SCCPDH: variants seen among roughly 807,000 people sequenced by gnomAD.
SCCPDH encodes saccharopine dehydrogenase-like oxidoreductase.
A neutral mutation model predicts 51.5 loss-of-function variants in SCCPDH; 34 were observed. The ratio of observed to expected loss-of-function variants is 0.66; its 90% CI spans 0.50 to 0.88. SCCPDH has a LOEUF of 0.88. Ranked by LOEUF, SCCPDH falls within the 40% of genes least tolerant of loss-of-function variation. SCCPDH has a pLI of 0.00. For synonymous variants in SCCPDH, 187 were observed against 191.3 expected, an observed-to-expected ratio of 0.98 and a Z score of 0.19; for missense variants, 464 against 527.1, an observed-to-expected ratio of 0.88 and a Z score of 1.17.
intron 9 of SCCPDH, among the ~76,000 whole-genome samples, chr1:246,763,701 T>C (rs1207649595): frequency 6.6e-6 from 1 of 152,194 alleles, no homozygotes; most frequent in Non-Finnish European, 1.5e-5. Flanking sequence ...GCAGTAATTA[T>C]GTCTCAGGGC....
intron 5 of SCCPDH, among the ~76,000 whole-genome samples, chr1:246,753,427 A>G (rs1382659076): frequency 6.6e-6 from 1 of 152,216 alleles, no homozygotes; most frequent in Non-Finnish European, 1.5e-5. Flanking sequence ...AGGATCCTCG[A>G]GACCTAGACC....
intron 5 of SCCPDH, among the ~76,000 whole-genome samples, chr1:246,757,089 AT>A (rs1363011436): frequency 1.3e-5 from 2 of 152,172 alleles, no homozygotes; most frequent in African/African-American, 4.8e-5. Context: ...CATGCCTGCA[AT>A]CCCAGCACTT....
chr1:246,744,098 T>C lies in SCCPDH; in HGVS notation c.537T>C (p.Ser179=), dbSNP rs1182336099. The part of the protein sequence containing the change: ...KMNGTLTAVE[S]FLTIHSGPEG... ...TAGGTACTTTGACTGCTGTGGAAAGTTTCCTGACTATACATTCAGGACCTG... is the reference window on the plus strand; with the variant it reads ...TAGGTACTTTGACTGCTGTGGAAAGCTTCCTGACTATACATTCAGGACCTG... Residue 179 remains serine, a synonymous_variant, in exon 5 of 12, where the codon AGT becomes AGC. Transcript: ENST00000366510. The C allele has an allele frequency of 1.2e-6, 2 of 1,604,288 alleles. No homozygotes were observed. Among genetic ancestry groups the C allele is most frequent in the Non-Finnish European group, 1.7e-6 (2 of 1,172,928 alleles).
chr1:246,726,022 G>A (rs867971413), intron 1 of SCCPDH, among the ~76,000 whole-genome samples: 19 of 146,440 alleles, frequency 1.3e-4, no homozygotes, highest in African/African-American at 4.8e-4. Flanking sequence ...CCGCCACCAC[G>A]CCCTGCTAAT....
Position 246,747,501 on chromosome 1 carries a change from T to G in SCCPDH, c.564+3376T>G, listed in dbSNP as rs369125615. Among the ~76,000 whole-genome samples the G allele has an allele frequency of 7.9e-4, 121 of 152,338 alleles. 1 individual carries two copies. Among genetic ancestry groups the G allele is most frequent in the African/African-American group, 2.7e-3 (113 of 41,576 alleles). ...AGGAGTTTGAGACCAGCCTGGCTGT[T>G]AGAAATAAATTTTCAGTGCCGCAAA... On this transcript the variant is annotated intron_variant, in intron 5 of 11. Transcript: ENST00000366510.
At chr1:246,734,587 TG>T (rs965360876) in intron 2 of SCCPDH, among the ~76,000 whole-genome samples, 1 of 152,142 alleles carries the variant, frequency 6.6e-6, no homozygotes, top group African/African-American at 2.4e-5. Context: ...GTAATTCCAG[TG>T]TTATCCGCCA....
intron 9 of SCCPDH, among the ~76,000 whole-genome samples, chr1:246,762,410 A>G (rs78534913): frequency 0.24 from 36,566 of 152,072 alleles, 4,678 homozygotes; most frequent in Middle Eastern, 0.29. Context: ...TAGCATTCCT[A>G]CGGTTTCTTT....
At chr1:246,761,336 A>G (rs368633505) in intron 9 of SCCPDH, among the ~76,000 whole-genome samples, 2 of 152,132 alleles carry the variant, frequency 1.3e-5, no homozygotes, top group Admixed American at 6.5e-5. Context: ...CAGCCTCCCA[A>G]AGTGCTGGGA....
intron 5 of SCCPDH, among the ~76,000 whole-genome samples, chr1:246,749,659 G>A (rs937291278): frequency 9.9e-5 from 15 of 152,140 alleles, no homozygotes; most frequent in African/African-American, 1.4e-4. Flanking sequence ...AGTTGGGGCC[G>A]TCCGTCCTTG....
chr1:246,729,324 G>A (rs1402615377), intron 2 of SCCPDH, among the ~76,000 whole-genome samples: 1 of 152,118 alleles, frequency 6.6e-6, no homozygotes, highest in African/African-American at 2.4e-5. Context: ...CAAGCCTGAG[G>A]GTGCTGCAGG....
At position 246,739,799 on chromosome 1, in the gene SCCPDH, C is replaced by T. The variant is rs939382771; in HGVS notation, c.385-373C>T. Among the ~76,000 whole-genome samples, 7 of 152,188 alleles carry T rather than the reference C, an allele frequency of 4.6e-5. No homozygotes were observed. In the East Asian group the frequency reaches 5.8e-4, roughly 13 times the overall value. On this transcript the variant is annotated intron_variant, in intron 3 of 11. Transcript: ENST00000366510. Reference sequence around the variant, plus strand: ...CACCATCTACTTTCCTGCTCTCTGTCTGTACGTGTGCGGAGCTTTATGTCT... The same window carrying T: ...CACCATCTACTTTCCTGCTCTCTGTTTGTACGTGTGCGGAGCTTTATGTCT...
chr1:246,727,108 GC>G, intron 2 of SCCPDH, 104 bp downstream of exon 2: 4 of 917,972 alleles, frequency 4.4e-6, no homozygotes, highest in Non-Finnish European at 6.8e-6. Flanking sequence ...TTGGTTGAAG[GC>G]CTTAACCCCA....
At chr1:246,750,921 C>A (rs1668842250) in intron 5 of SCCPDH, among the ~76,000 whole-genome samples, 1 of 152,216 alleles carries the variant, frequency 6.6e-6, no homozygotes, top group South Asian at 2.1e-4. Context: ...CTGTCTGTAA[C>A]CCGTTTGGCC....
rs527753701 is a variant in SCCPDH at position 246,748,733 on chromosome 1, A to G, written c.564+4608A>G. On this transcript the variant is annotated intron_variant, in intron 5 of 11. Transcript: ENST00000366510. ...GAACTCCAGTAGCGTTTATATAAAC[A>G]TGGGGGTCAAAGGACCCATGTGGGG... Among the ~76,000 whole-genome samples the G allele has an allele frequency of 3.9e-5, 6 of 152,334 alleles. No individual in the cohort carries two copies. The South Asian group carries it at 1.2e-3, about 32-fold the overall frequency.
At chr1:246,735,215 G>A (rs981985594) in intron 2 of SCCPDH, among the ~76,000 whole-genome samples, 3 of 152,152 alleles carry the variant, frequency 2.0e-5, no homozygotes, top group African/African-American at 7.2e-5. Flanking sequence ...GGCACATGTG[G>A]TCCTTCCTGA....
At chr1:246,751,817 A>C (rs557501548) in intron 5 of SCCPDH, among the ~76,000 whole-genome samples, 1 of 138,468 alleles carries the variant, frequency 7.2e-6, no homozygotes, top group African/African-American at 2.7e-5. Context: ...TCTGTCGCCC[A>C]GGCTGGAGTG....
intron 3 of SCCPDH, among the ~76,000 whole-genome samples, chr1:246,737,043 A>C (rs1668602819): frequency 1.3e-5 from 2 of 152,170 alleles, no homozygotes; most frequent in South Asian, 4.1e-4. Flanking sequence ...GTTATGTGTT[A>C]ACAGGCATTA....
At chr1:246,766,751 A>G (rs1216403431) in intron 11 of SCCPDH, among the ~76,000 whole-genome samples, 3 of 152,232 alleles carry the variant, frequency 2.0e-5, no homozygotes, top group Non-Finnish European at 4.4e-5. Context: ...AATATTTAGC[A>G]TTTATGAATG....
Position 246,758,196 on chromosome 1 carries a change from G to C in SCCPDH, c.565-30G>C, listed in dbSNP as rs1668959418. On this transcript the variant is annotated intron_variant, in intron 5 of 11. Transcript: ENST00000366510. ...TACATTTTAGTAACTACCCTTTCAT[G>C]TTTCTTTAACTCTTGAAATATTTTA... 3 of 1,524,250 alleles carry C rather than the reference G, an allele frequency of 2.0e-6. No homozygotes were observed. The African/African-American group carries it at 4.2e-5, about 22-fold the overall frequency. 94.4% of individuals were successfully genotyped at this position (1,524,250 alleles called of 1,614,324 possible).
Sources: allele counts gnomAD v4.1 joint callset (sites outside exome capture counted in the v4.1 genomes callset), GRCh38; gene constraint gnomAD v4.1.1; transcripts MANE v1.5; gene names NCBI Gene and HGNC (gene_info 2026-07-23, HGNC 2026-07-21).